Variants in PHF2 observed in about 807,000 individuals in gnomAD.
PHF2 encodes the protein PHD finger protein 2, also known as lysine-specific demethylase PHF2.
PHF2 carries 27 observed loss-of-function variants against 120.5 expected under a neutral mutation model. The observed-to-expected ratio is 0.22, with a 90% CI of 0.17 to 0.31. PHF2 has a LOEUF of 0.31. Ranked by LOEUF, PHF2 falls within the 10% of genes least tolerant of loss-of-function variation. The probability of loss-of-function intolerance (pLI) is 1.00; values close to 1 mark genes in which losing one functional copy is unlikely to be tolerated. For missense variants in PHF2, 1,024 were observed against 1,434.8 expected, an observed-to-expected ratio of 0.71 and a Z score of 4.63; for synonymous variants, 568 against 592.5, an observed-to-expected ratio of 0.96 and a Z score of 0.60.
chr9:93,667,176 G>T lies in PHF2; in HGVS notation c.2284G>T (p.Ala762Ser). Reference protein sequence around the residue: ...RVKKESGSSAAGILDLLQASE... With the variant: ...RVKKESGSSASGILDLLQASE... Reference sequence around the variant, plus strand: ...CAAGAAGGAGAGTGGGAGCTCGGCAGCTGGCATCTTGGACCTGCTGCAGGC... The same window carrying T: ...CAAGAAGGAGAGTGGGAGCTCGGCATCTGGCATCTTGGACCTGCTGCAGGC... Residue 762 changes from alanine (A) to serine (S), a missense_variant, in exon 17 of 22, where the codon GCT becomes TCT. By Grantham distance (99) the Ala-to-Ser change is moderately conservative. Around this residue, in one of 2 missense-constraint regions of PHF2, gnomAD observed 677 missense variants for 857.4 expected, o/e 0.79. Transcript: ENST00000359246. 2 of 1,613,078 alleles carry T rather than the reference G, an allele frequency of 1.2e-6. No individual in the cohort carries two copies. The highest frequency in any genetic ancestry group is 1.7e-6 in the Non-Finnish European group (2 of 1,179,958).
Position 93,658,066 on chromosome 9 carries a change from G to A in PHF2, c.1148-79G>A, listed in dbSNP as rs1349925101. 1.1e-4 allele frequency: 102 copies of A among 921,780 alleles called. 1 individual carries two copies. Among genetic ancestry groups the A allele is most frequent in the Admixed American group, 9.0e-4 (45 of 49,994 alleles). The allele number at this position is 921,780 out of a possible 1,614,324, so 57.1% of individuals were successfully genotyped here. On this transcript the variant is annotated intron_variant, in intron 9 of 21. Transcript: ENST00000359246. ...TGGAAGGCTGGACCTGGCATCCCCC[G>A]GTCTGGCTATGTGGCTGGGCATGAA...
At chr9:93,620,205 C>T (rs932645958) in intron 1 of PHF2, among the ~76,000 whole-genome samples, 1 of 152,124 alleles carries the variant, frequency 6.6e-6, no homozygotes, top group African/African-American at 2.4e-5. Flanking sequence ...AGCTCCTGTT[C>T]CCAGGAGGGA....
rs942155650 is a variant in PHF2, at chr9:93,576,650, C to G, written c.-124C>G. The stretch of plus-strand genomic sequence containing the variant: ...TCGTGCGCCCCCGTCCCCGTCCCCT[C>G]CCGGCCGCGGCGCCGCCTGCGCCCC... On this transcript the variant is annotated 5_prime_UTR_variant, in exon 1 of 22. Transcript: ENST00000359246. The G allele has an allele frequency of 2.6e-5, 4 of 156,598 alleles. No homozygotes were observed. The highest frequency in any genetic ancestry group is 5.2e-5 in the Non-Finnish European group (4 of 76,354). 9.7% of individuals were successfully genotyped at this position (156,598 alleles called of 1,614,324 possible). A position where few individuals can be genotyped will look rare whatever the true frequency, so the allele number is the denominator to read the frequency against.
At chr9:93,673,893 C>T (rs369307356) in intron 18 of PHF2, 31 bp downstream of exon 18, 189 of 1,542,596 alleles carry the variant, frequency 1.2e-4, no homozygotes, top group Non-Finnish European at 1.5e-4. Context: ...GGGCAGGGCC[C>T]ATGCTCAGCC....
rs536667467 is a variant in PHF2 at position 93,585,192 on chromosome 9, G to A, written c.98+8321G>A. On this transcript the variant is annotated intron_variant, in intron 1 of 21. Coordinates refer to ENST00000359246, the MANE Select transcript of PHF2 (RefSeq NM_005392.4). ...GCCCAGTGCATGCCTGCATGCTTGC[G>A]AAGGAGGGTCTTCTTTTTTAACCAT... is the stretch of plus-strand genomic sequence containing the variant. 3.3e-5 allele frequency among the ~76,000 whole-genome samples: 5 copies of A among 152,330 alleles called. No individual in the cohort carries two copies. The East Asian group carries it at 5.8e-4, about 18-fold the overall frequency.
Position 93,673,799 on chromosome 9 carries a change from G to A in PHF2, c.2563G>A (p.Asp855Asn), listed in dbSNP as rs193921057. ...GAAGAGGGCTGCCAAGAACAGTGTC[G>A]ACCTGGACGACTACGAGGAAGAGCA... is the stretch of plus-strand genomic sequence containing the variant. The part of the protein sequence containing the change: ...LLKRAAKNSV[D>N]LDDYEEEQDH... The change falls in exon 18 of 22, where the codon GAC becomes AAC. Residue 855 changes from aspartate (D) to asparagine (N), a missense_variant. Asp to Asn is a conservative substitution (Grantham distance 23). Around this residue, in one of 2 missense-constraint regions of PHF2, gnomAD observed 677 missense variants for 857.4 expected, o/e 0.79. Transcript: ENST00000359246. The A allele has an allele frequency of 2.6e-4, 423 of 1,612,122 alleles. 1 individual carries two copies. The highest frequency in any genetic ancestry group is 3.3e-4 in the Non-Finnish European group (389 of 1,178,754).
chr9:93,590,580 C>T (rs1488928154), intron 1 of PHF2, among the ~76,000 whole-genome samples: 1 of 152,242 alleles, frequency 6.6e-6, no homozygotes, highest in Non-Finnish European at 1.5e-5. Context: ...TCCCCATAAA[C>T]TTTTAATTTT....
chr9:93,615,306 G>A (rs1825712956), intron 1 of PHF2, among the ~76,000 whole-genome samples: 2 of 150,132 alleles, frequency 1.3e-5, no homozygotes, highest in Middle Eastern at 3.5e-3. Context: ...GTGATGATGT[G>A]TGATAGTGAT....
intron 5 of PHF2, among the ~76,000 whole-genome samples, chr9:93,649,494 C>G (rs996139447): frequency 1.3e-4 from 20 of 150,820 alleles, no homozygotes; most frequent in African/African-American, 4.6e-4. Flanking sequence ...AAAGGCAAAG[C>G]CTCCTCTGGT....
At position 93,598,596 on chromosome 9, in the gene PHF2, GC is replaced by G. The variant is rs556081582; in HGVS notation, c.98+21731del. Among the ~76,000 whole-genome samples, 398 of 152,044 alleles carry G rather than the reference GC, an allele frequency of 2.6e-3. 2 individuals are homozygous for G. Among genetic ancestry groups the G allele is most frequent in the African/African-American group, 9.0e-3 (374 of 41,516 alleles). ...CAGGCATGGTGCAGGCATTCTGTCA[GC>G]CCCCCACCCTCCTAAGAGGTTGTTC... is the stretch of plus-strand genomic sequence containing the variant. On this transcript the variant is annotated intron_variant, in intron 1 of 21. Coordinates refer to ENST00000359246, the MANE Select transcript of PHF2 (RefSeq NM_005392.4).
intron 1 of PHF2, among the ~76,000 whole-genome samples, chr9:93,616,730 A>T (rs985485936): frequency 5.3e-5 from 8 of 151,180 alleles, no homozygotes; most frequent in African/African-American, 1.7e-4. Context: ...ATCTCGGCTC[A>T]CCGCAACCTC....
intron 4 of PHF2, among the ~76,000 whole-genome samples, chr9:93,648,522 A>G (rs1205101232): frequency 6.6e-6 from 1 of 152,224 alleles, no homozygotes; most frequent in Non-Finnish European, 1.5e-5. Context: ...GCGACTGGCA[A>G]TTCTGTCCTC....
At chr9:93,632,267 T>G (rs984147519) in intron 2 of PHF2, among the ~76,000 whole-genome samples, 4 of 152,126 alleles carry the variant, frequency 2.6e-5, no homozygotes, top group Non-Finnish European at 4.4e-5. Context: ...CATTCTAGAC[T>G]AGCAGACAGT....
chr9:93,617,552 T>G (rs981924107), intron 1 of PHF2, among the ~76,000 whole-genome samples: 4 of 152,194 alleles, frequency 2.6e-5, no homozygotes, highest in Non-Finnish European at 5.9e-5. Flanking sequence ...AATTCTACAC[T>G]CCCCGCCCCC....
At chr9:93,594,691 T>TGCCTAAAA (rs1356868067) in intron 1 of PHF2, 1 of 152,164 alleles carries the variant, frequency 6.6e-6, no homozygotes, top group Non-Finnish European at 1.5e-5. Flanking sequence ...TGGGACCTTG[T>TGCCTAAAA]GCCTAAAACA....
chr9:93,582,029 G>A (rs888035654), intron 1 of PHF2, among the ~76,000 whole-genome samples: 18 of 152,170 alleles, frequency 1.2e-4, no homozygotes, highest in African/African-American at 2.4e-4. Context: ...ACATTCAGTC[G>A]GGGTTTAATG....
intron 5 of PHF2, among the ~76,000 whole-genome samples, chr9:93,651,760 A>G (rs1564395208): frequency 6.6e-6 from 1 of 152,224 alleles, no homozygotes; most frequent in Non-Finnish European, 1.5e-5. Flanking sequence ...CCTCCCGCCA[A>G]CTCAGAGAAA....
chr9:93,649,992 A>G (rs933358547), intron 5 of PHF2, among the ~76,000 whole-genome samples: 1 of 151,224 alleles, frequency 6.6e-6, no homozygotes, highest in Admixed American at 6.6e-5. Context: ...GTACTCACCA[A>G]CACGTGGTAC....
At chr9:93,674,679 A>T (rs949038110) in intron 18 of PHF2, among the ~76,000 whole-genome samples, 1 of 152,092 alleles carries the variant, frequency 6.6e-6, no homozygotes, top group African/African-American at 2.4e-5. Flanking sequence ...GGGCAGGTAG[A>T]TGCAGGTGCC....
Sources: allele counts gnomAD v4.1 joint callset (sites outside exome capture counted in the v4.1 genomes callset), GRCh38; gene constraint gnomAD v4.1.1; regional missense constraint gnomAD v4.1.1; transcripts MANE v1.5; gene names NCBI Gene and HGNC (gene_info 2026-07-23, HGNC 2026-07-21).